The following TENT2 variants were observed in gnomAD, a reference collection of about 807,000 sequenced individuals.
TENT2 encodes the protein terminal nucleotidyltransferase 2, also known as poly(A) RNA polymerase GLD2.
TENT2 carries 44 observed loss-of-function variants against 72.2 expected under a neutral mutation model. The observed-to-expected ratio is 0.61, with a 90% CI of 0.48 to 0.78. The LOEUF (loss-of-function observed/expected upper bound fraction) is 0.78, where lower values mean the gene tolerates loss of function less well. Ranked by LOEUF, TENT2 falls within the 30% of genes least tolerant of loss-of-function variation. The pLI, the probability that TENT2 is intolerant of heterozygous loss-of-function variation, is 0.00. For missense variants in TENT2, 541 were observed against 569.6 expected (o/e 0.95, Z 0.51); for synonymous variants, 212 against 192.5 (o/e 1.10, Z -0.84).
intron 4 of TENT2, among the ~76,000 whole-genome samples, chr5:79,630,307 T>TG (rs1187598531): frequency 6.6e-6 from 1 of 151,610 alleles, no homozygotes; most frequent in Non-Finnish European, 1.5e-5. Flanking sequence ...TAAAGAGTGG[T>TG]GGGAGCCAGG....
chr5:79,639,750 T>C (rs941253733), intron 4 of TENT2, among the ~76,000 whole-genome samples: 2 of 152,106 alleles, frequency 1.3e-5, no homozygotes, highest in Non-Finnish European at 2.9e-5. Flanking sequence ...AGCCAAGATA[T>C]TATATTGGAA....
Position 79,688,235 on chromosome 5 carries a change from C to G in TENT2, c.*2962C>G, listed in dbSNP as rs758513362. Among the ~76,000 whole-genome samples the G allele has an allele frequency of 5.9e-5, 9 of 152,222 alleles. No individual in the cohort carries two copies. The highest frequency in any genetic ancestry group is 2.0e-4 in the Admixed American group (3 of 15,286). Reference sequence around the variant, plus strand: ...TAATTAAAAATAAATGTTAACTCTTCTAGCCATCAAATCATTCTCATGAAA... The same window carrying G: ...TAATTAAAAATAAATGTTAACTCTTGTAGCCATCAAATCATTCTCATGAAA... On this transcript the variant is annotated 3_prime_UTR_variant, in exon 15 of 15. Transcript: ENST00000453514.
intron 12 of TENT2, among the ~76,000 whole-genome samples, chr5:79,677,436 AGTG>A (rs998560852): frequency 1.3e-5 from 2 of 152,238 alleles, no homozygotes; most frequent in Non-Finnish European, 2.9e-5. Context: ...ATAGAAATAC[AGTG>A]GTAAAGATAG....
chr5:79,669,670 C>T (rs560875948), intron 12 of TENT2, among the ~76,000 whole-genome samples: 6 of 151,876 alleles, frequency 4.0e-5, no homozygotes, highest in African/African-American at 9.7e-5. Flanking sequence ...AGGAATTGTA[C>T]AGTATTAGAG....
At chr5:79,623,813 TAC>T (rs1337840055) in intron 4 of TENT2, among the ~76,000 whole-genome samples, 2 of 151,748 alleles carry the variant, frequency 1.3e-5, no homozygotes, top group African/African-American at 2.4e-5. Context: ...GCTATTGTAA[TAC>T]AGTGTTAGAA....
chr5:79,669,377 T>G (rs1241954157), intron 12 of TENT2, among the ~76,000 whole-genome samples: 1 of 152,134 alleles, frequency 6.6e-6, no homozygotes, highest in Non-Finnish European at 1.5e-5. Flanking sequence ...AAATGTATAG[T>G]AAAAAAACAC....
intron 4 of TENT2, among the ~76,000 whole-genome samples, chr5:79,630,004 C>T (rs528617935): frequency 3.3e-5 from 5 of 150,822 alleles, no homozygotes; most frequent in South Asian, 2.1e-4. Context: ...GGCGTGGTGG[C>T]GTGTGCCGTA....
At chr5:79,646,315 A>G (rs1010260278) in intron 8 of TENT2, among the ~76,000 whole-genome samples, 6 of 152,170 alleles carry the variant, frequency 3.9e-5, no homozygotes, top group Non-Finnish European at 8.8e-5. Context: ...ATTAAATACA[A>G]TGTCTTCAAA....
chr5:79,667,583 G>T (rs966289651), intron 11 of TENT2, among the ~76,000 whole-genome samples: 12 of 152,102 alleles, frequency 7.9e-5, no homozygotes, highest in African/African-American at 2.9e-4. Context: ...TAAGGGGAAA[G>T]TCCCATGTTG....
chr5:79,685,065 G>A, intron 14 of TENT2, 134 bp from the exon 15 acceptor site: 1 of 726,644 alleles, frequency 1.4e-6, no homozygotes, highest in Non-Finnish European at 2.2e-6. Context: ...CTCAAAAAAA[G>A]AAAAAATTTG....
At chr5:79,648,992 G>T in intron 9 of TENT2, 70 bp from the exon 10 acceptor site, 1 of 1,501,096 alleles carries the variant, frequency 6.7e-7, no homozygotes, top group East Asian at 2.3e-5. Context: ...GTATGGAGCT[G>T]GGAAATGATG....
rs1771057099 is a variant in TENT2 at position 79,627,235 on chromosome 5, C to G, written c.465+3746C>G. On this transcript the variant is annotated intron_variant, in intron 4 of 14. Transcript: ENST00000453514. ...AACTATTGAAAGCTCTCTATTTTTA[C>G]TTGTATTTGTATGTTGTGATAGTTA... 2.6e-5 allele frequency among the ~76,000 whole-genome samples: 4 copies of G among 151,736 alleles called. No homozygotes were observed. In the South Asian group the frequency reaches 8.3e-4, roughly 32 times the overall value.
chr5:79,652,919 G>A (rs1241225496), intron 10 of TENT2, among the ~76,000 whole-genome samples: 1 of 151,342 alleles, frequency 6.6e-6, no homozygotes, highest in South Asian at 2.1e-4. Flanking sequence ...TCTCTTGTGG[G>A]TTACAGTTTA....
At chr5:79,649,275 T>C in intron 10 of TENT2, 85 bp downstream of exon 10, 1 of 1,280,306 alleles carries the variant, frequency 7.8e-7, no homozygotes, top group South Asian at 1.7e-5. Flanking sequence ...TATTTTCAAA[T>C]AGTATTGTTT....
At chr5:79,626,277 C>T (rs1365908083) in intron 4 of TENT2, among the ~76,000 whole-genome samples, 5 of 148,730 alleles carry the variant, frequency 3.4e-5, no homozygotes, top group Admixed American at 1.3e-4. Flanking sequence ...CTGGGACTAT[C>T]GATAGGTGTG....
rs767142070 is a variant in TENT2 at position 79,623,437 on chromosome 5, A to C, written c.413A>C (p.Glu138Ala). The C allele has an allele frequency of 1.9e-5, 31 of 1,611,638 alleles. 1 individual carries two copies. In the Admixed American group the frequency reaches 3.9e-4, roughly 20 times the overall value. Residue 138 changes from glutamate to alanine, a missense_variant, in exon 4 of 15, where the codon GAA becomes GCA. Glu to Ala is a moderately radical substitution (Grantham distance 107, BLOSUM62 -1). Coordinates refer to ENST00000453514, the MANE Select transcript of TENT2 (RefSeq NM_001114394.3). ...DIVRCVPPFR[E>A]IAFLEPREIT... ...GTCAGATGTGTTCCACCTTTTCGAG[A>C]AATTGCATTTTTAGAACCTAGAGAA... is the stretch of plus-strand genomic sequence containing the variant.
At position 79,668,918 on chromosome 5, in the gene TENT2, G is replaced by A. The variant is rs1810659375; in HGVS notation, c.1098G>A (p.Leu366=). ...YPESFSPAIQ[L]HLVHQAPCNV... is the part of the protein sequence containing the mutation. ...AGTCTTTTAGTCCTGCTATACAGCT[G>A]CACCTTGTACATCAAGCTCCATGTA... The change falls in exon 12 of 15, where the codon CTG becomes CTA. Residue 366 remains leucine, a synonymous_variant. Coordinates refer to ENST00000453514, the MANE Select transcript of TENT2 (RefSeq NM_001114394.3). The A allele has an allele frequency of 1.9e-6, 3 of 1,613,324 alleles. No homozygotes were observed. Among genetic ancestry groups the A allele is most frequent in the Non-Finnish European group, 2.5e-6 (3 of 1,179,654 alleles).
intron 11 of TENT2, among the ~76,000 whole-genome samples, chr5:79,667,706 G>T (rs1350345252): frequency 6.6e-6 from 1 of 152,096 alleles, no homozygotes; most frequent in Admixed American, 6.6e-5. Context: ...TGGAACAAGG[G>T]AGGAGATATT....
intron 11 of TENT2, among the ~76,000 whole-genome samples, chr5:79,662,486 A>G (rs1385870943): frequency 6.6e-6 from 1 of 152,182 alleles, no homozygotes; most frequent in Admixed American, 6.5e-5. Flanking sequence ...GTCTTAAATA[A>G]TAATACTTGA....
Sources: allele counts gnomAD v4.1 joint callset (sites outside exome capture counted in the v4.1 genomes callset), GRCh38; gene constraint gnomAD v4.1.1; transcripts MANE v1.5; gene names NCBI Gene and HGNC (gene_info 2026-07-23, HGNC 2026-07-21).